The following SRR variants were observed in gnomAD, a reference collection of about 807,000 sequenced individuals.
SRR encodes serine racemase, also known as D-serine ammonia-lyase.
Under a neutral mutation model 32.7 loss-of-function variants are expected in SRR, and 19 were observed. The observed-to-expected ratio is 0.58, with a 90% CI of 0.40 to 0.85. The LOEUF is 0.85. Among genes scored for constraint, SRR ranks in the 40% least tolerant of loss-of-function variants. The probability of loss-of-function intolerance (pLI) is 0.00; values close to 1 mark genes in which losing one functional copy is unlikely to be tolerated. For synonymous variants in SRR, 142 were observed against 140.9 expected (o/e 1.01, Z -0.06); for missense variants, 373 against 404.7 (o/e 0.92, Z 0.67).
intron 4 of SRR, among the ~76,000 whole-genome samples, chr17:2,319,774 T>C (rs1289784601): frequency 2.0e-5 from 3 of 152,170 alleles, no homozygotes; most frequent in African/African-American, 4.8e-5. Context: ...ACAGGCTTTT[T>C]TGAGCAACCA....
At chr17:2,321,668 T>C (rs754089595) in intron 6 of SRR, 52 bp downstream of exon 6, 5 of 1,528,624 alleles carry the variant, frequency 3.3e-6, no homozygotes, top group Admixed American at 1.7e-5. Flanking sequence ...TTACTTTACA[T>C]CCTAAATGTT....
intron 6 of SRR, 161 bp from the exon 7 acceptor site, chr17:2,322,975 G>A (rs1382820170): frequency 4.6e-6 from 3 of 649,952 alleles, no homozygotes; most frequent in Non-Finnish European, 7.9e-6. Flanking sequence ...AGGTTGGCCA[G>A]GCTGGTCTTG....
At chr17:2,311,554 T>C (rs752198366) in intron 1 of SRR, among the ~76,000 whole-genome samples, 5 of 152,042 alleles carry the variant, frequency 3.3e-5, no homozygotes, top group Non-Finnish European at 5.9e-5. Context: ...GGTGAGAGGA[T>C]TGCCTGAGCC....
At chr17:2,304,375 C>CCATTT (rs2075362434) in intron 1 of SRR, among the ~76,000 whole-genome samples, 1 of 65,492 alleles carries the variant, frequency 1.5e-5, no homozygotes, top group Non-Finnish European at 3.1e-5. Flanking sequence ...CCTCAGCCTC[C>CCATTT]CTAGTAGCTG....
chr17:2,324,851 G>A lies in SRR; in HGVS notation c.*978G>A. ...ATTCCTAAAGGACAAAAGCAAAGAA[G>A]CTATTTAGGAATTTACAGGCCAAAG... On this transcript the variant is annotated 3_prime_UTR_variant, in exon 8 of 8. Coordinates refer to ENST00000344595, the MANE Select transcript of SRR (RefSeq NM_021947.3). 6.3e-7 allele frequency: 1 copy of A among 1,597,006 alleles called. No homozygotes were observed. The highest frequency in any genetic ancestry group is 8.5e-7 in the Non-Finnish European group (1 of 1,174,600).
chr17:2,323,991 G>T lies in SRR; in HGVS notation c.*118G>T. On this transcript the variant is annotated 3_prime_UTR_variant, in exon 8 of 8. Coordinates refer to ENST00000344595, the MANE Select transcript of SRR (RefSeq NM_021947.3). The stretch of plus-strand genomic sequence containing the variant: ...TAATGGAGAGTGGCTATTTCATTAA[G>T]ATTTAATAGTTTTTTTTGGACTAAG... 1 of 1,158,762 alleles carries T rather than the reference G, an allele frequency of 8.6e-7. No homozygotes were observed. 71.8% of individuals were successfully genotyped at this position (1,158,762 alleles called of 1,614,324 possible). A position where few individuals can be genotyped will look rare whatever the true frequency, so the allele number is the denominator to read the frequency against.
intron 1 of SRR, chr17:2,307,707 G>A (rs116875739): frequency 0.33 from 334,005 of 1,001,782 alleles, 62,010 homozygotes; most frequent in Admixed American, 0.39. Context: ...TGGCAGTGGC[G>A]GAAGATTTTA....
chr17:2,310,323 A>C (rs1283308441), intron 1 of SRR, among the ~76,000 whole-genome samples: 1 of 152,046 alleles, frequency 6.6e-6, no homozygotes, highest in Non-Finnish European at 1.5e-5. Context: ...TTTTTTGAGG[A>C]AGCACCATAC....
chr17:2,324,959 G>T lies in SRR; in HGVS notation c.*1086G>T. 1 of 1,067,166 alleles carries T rather than the reference G, an allele frequency of 9.4e-7. No homozygotes were observed. Among genetic ancestry groups the T allele is most frequent in the Non-Finnish European group, 1.3e-6 (1 of 763,634 alleles). 66.1% of individuals were successfully genotyped at this position (1,067,166 alleles called of 1,614,324 possible). A position where few individuals can be genotyped will look rare whatever the true frequency, so the allele number is the denominator to read the frequency against. ...CTGCCCTAGCCCAATCTGAGGCTAA[G>T]ATTGGTAAACTGTAAGCCCACACTT... On this transcript the variant is annotated 3_prime_UTR_variant, in exon 8 of 8. Transcript: ENST00000344595.
In SRR at chr17:2,324,108, A is replaced by G. The variant is rs1229727826; in HGVS notation, c.*235A>G. On this transcript the variant is annotated 3_prime_UTR_variant, in exon 8 of 8. Transcript: ENST00000344595. ...GGGCAGTGGACTGACAGGCTGACAT[A>G]GAAAATAAACTTTGCCCAATCACAA... is the stretch of plus-strand genomic sequence containing the variant. 2.7e-6 allele frequency: 4 copies of G among 1,475,274 alleles called. No individual in the cohort carries two copies. The highest frequency in any genetic ancestry group is 1.4e-5 in the South Asian group (1 of 70,308). 91.4% of individuals were successfully genotyped at this position (1,475,274 alleles called of 1,614,324 possible). A position where few individuals can be genotyped will look rare whatever the true frequency, so the allele number is the denominator to read the frequency against.
intron 1 of SRR, chr17:2,307,069 A>T: frequency 2.6e-6 from 3 of 1,159,248 alleles, no homozygotes; most frequent in Non-Finnish European, 3.8e-6. Flanking sequence ...CCACTTAACT[A>T]TGGAAAAGAT....
intron 4 of SRR, among the ~76,000 whole-genome samples, chr17:2,319,601 CTCTCATACCCCACATCCAAATCTCAGT>C (rs1426303354): frequency 6.6e-6 from 1 of 151,898 alleles, no homozygotes; most frequent in Non-Finnish European, 1.5e-5. Flanking sequence ...TCTGATAACC[CTCTCATACCCCACATCCAAATCTCAGT>C]CTGCTTTCAA....
chr17:2,323,836 C>A lies in SRR; in HGVS notation c.986C>A (p.Ala329Asp). The A allele has an allele frequency of 1.2e-6, 2 of 1,614,156 alleles. No individual in the cohort carries two copies. Among genetic ancestry groups the A allele is most frequent in the Non-Finnish European group, 1.7e-6 (2 of 1,180,028 alleles). ...LTSSITWVKQ[A>D]ERPASYQSVS... ...TCCTCCATAACTTGGGTGAAGCAGG[C>A]TGAAAGGCCAGCTTCTTATCAGTCT... The change falls in exon 8 of 8, where the codon GCT (alanine) becomes GAT (aspartate). Residue 329 changes from alanine to aspartate, a missense_variant. By Grantham distance (126) the Ala-to-Asp change is moderately radical. Transcript: ENST00000344595.
chr17:2,324,090 G>A lies in SRR; in HGVS notation c.*217G>A. Reference sequence around the variant, plus strand: ...AAAAAGTCTTGCAAAATGGGGCAGTGGACTGACAGGCTGACATAGAAAATA... The same window carrying A: ...AAAAAGTCTTGCAAAATGGGGCAGTAGACTGACAGGCTGACATAGAAAATA... On this transcript the variant is annotated 3_prime_UTR_variant, in exon 8 of 8. Transcript: ENST00000344595. The A allele has an allele frequency of 7.0e-7, 1 of 1,424,340 alleles. No individual in the cohort carries two copies. The highest frequency in any genetic ancestry group is 1.4e-5 in the South Asian group (1 of 69,362). 88.2% of individuals were successfully genotyped at this position (1,424,340 alleles called of 1,614,324 possible).
At position 2,321,742 on chromosome 17, in the gene SRR, T is replaced by G. The variant is rs934514790; in HGVS notation, c.594+126T>G. 3.7e-6 allele frequency: 3 copies of G among 813,714 alleles called. No individual in the cohort carries two copies. In the African/African-American group the frequency reaches 5.2e-5, roughly 14 times the overall value. 50.4% of individuals were successfully genotyped at this position (813,714 alleles called of 1,614,324 possible). A position where few individuals can be genotyped will look rare whatever the true frequency, so the allele number is the denominator to read the frequency against. ...TCCTTCCCCTTATTCCTTTGGGACTTGAGATGAAGGCCCATCTCTGCCTCA... is the reference window on the plus strand; with the variant it reads ...TCCTTCCCCTTATTCCTTTGGGACTGGAGATGAAGGCCCATCTCTGCCTCA... On this transcript the variant is annotated intron_variant, in intron 6 of 7. Coordinates refer to ENST00000344595, the MANE Select transcript of SRR (RefSeq NM_021947.3).
chr17:2,303,708 G>A, upstream of SRR: 2 of 1,493,582 alleles, frequency 1.3e-6, no homozygotes, highest in South Asian at 1.3e-5. Context: ...ACACGCTCCA[G>A]CCCTTCCGCC....
At chr17:2,307,421 A>C in intron 1 of SRR, 1 of 1,258,628 alleles carries the variant, frequency 7.9e-7, no homozygotes, top group African/African-American at 1.5e-5. Context: ...TGTGAAGGAA[A>C]TTTCAGTGGT....
chr17:2,317,993 G>T lies in SRR; in HGVS notation c.292G>T (p.Glu98Ter). The T allele has an allele frequency of 6.2e-7, 1 of 1,612,204 alleles. No homozygotes were observed. The highest frequency in any genetic ancestry group is 8.5e-7 in the Non-Finnish European group (1 of 1,179,000). The part of the protein sequence containing the change: ...GQALTYAAKL[E>*]GIPAYIVVPQ... The stretch of plus-strand genomic sequence containing the variant: ...GGCTCTCACCTATGCTGCCAAATTG[G>T]AAGGTACTTGATTTCTCAAGGTACT... The change falls in exon 3 of 8, where the codon GAA becomes TAA. Residue 98 changes from glutamate to a stop codon, truncating the protein, a stop_gained. Coordinates refer to ENST00000344595, the MANE Select transcript of SRR (RefSeq NM_021947.3). LOFTEE classifies it high-confidence loss of function.
rs141135082 is a variant in SRR, at chr17:2,305,476, G to C, written c.-5+1459G>C. Among the ~76,000 whole-genome samples the C allele has an allele frequency of 2.5e-3, 379 of 152,234 alleles. 1 individual carries two copies. Among genetic ancestry groups the C allele is most frequent in the African/African-American group, 8.2e-3 (342 of 41,538 alleles). On this transcript the variant is annotated intron_variant, in intron 1 of 7. Coordinates refer to ENST00000344595, the MANE Select transcript of SRR (RefSeq NM_021947.3). ...CTGAGAGACAAAGATAGGAGACATG[G>C]AGAAGGGGTACAAAAAATTAATAAT...
Sources: allele counts gnomAD v4.1 joint callset (sites outside exome capture counted in the v4.1 genomes callset), GRCh38; gene constraint gnomAD v4.1.1; transcripts MANE v1.5; gene names NCBI Gene and HGNC (gene_info 2026-07-23, HGNC 2026-07-21).